Variants in MORC2 observed in about 807,000 individuals in gnomAD.
MORC2 encodes MORC family CW-type zinc finger 2, also known as ATPase MORC2.
MORC2 carries 30 observed loss-of-function variants against 136.0 expected under a neutral mutation model. That is an observed-to-expected ratio of 0.22 (90% CI 0.17 to 0.30). MORC2 has a LOEUF of 0.30. MORC2 is among the 10% of genes least tolerant of loss of function. The pLI is 1.00. For synonymous variants in MORC2, 439 were observed against 487.0 expected, an observed-to-expected ratio of 0.90 and a Z score of 1.30; for missense variants, 922 against 1,333.1, an observed-to-expected ratio of 0.69 and a Z score of 4.80.
rs1166048109 is a variant in MORC2 at position 30,938,730 on chromosome 22, C to T, written c.1074-525G>A. ...GACTACAGGTGCCCGCCACCATGCC[C>T]GGCTAATTTTTTGTATTTTTAGTAG... On this transcript the variant is annotated intron_variant, in intron 12 of 25. Transcript: ENST00000397641. Among the ~76,000 whole-genome samples the T allele has an allele frequency of 5.9e-5, 9 of 152,212 alleles. No individual in the cohort carries two copies. The East Asian group carries it at 1.2e-3, about 20-fold the overall frequency.
chr22:30,967,897 A>G lies in MORC2; in HGVS notation c.-8T>C. On this transcript the variant is annotated 5_prime_UTR_variant, in exon 1 of 26. Coordinates refer to ENST00000397641, the MANE Select transcript of MORC2 (RefSeq NM_001303256.3). ...GTAATTTGTGAAAGCCATGACTGCA[A>G]TAAGGTCTCCAGCCCTTCACCCGCT... The G allele has an allele frequency of 1.3e-6, 2 of 1,543,110 alleles. No homozygotes were observed. The highest frequency in any genetic ancestry group is 1.2e-5 in the South Asian group (1 of 83,904).
At chr22:30,942,606 A>G (rs976715489) in intron 6 of MORC2, among the ~76,000 whole-genome samples, 5 of 152,212 alleles carry the variant, frequency 3.3e-5, no homozygotes, top group African/African-American at 1.2e-4. Flanking sequence ...GCAATTATCT[A>G]GTGAATCAGT....
chr22:30,938,617 T>C (rs2040693952), intron 12 of MORC2, among the ~76,000 whole-genome samples: 1 of 152,230 alleles, frequency 6.6e-6, no homozygotes, highest in South Asian at 2.1e-4. Context: ...TCGCCCAGGC[T>C]GGAGTGCAGT....
chr22:30,938,874 T>A (rs1309466053), intron 12 of MORC2, among the ~76,000 whole-genome samples: 1 of 152,208 alleles, frequency 6.6e-6, no homozygotes, highest in Admixed American at 6.5e-5. Context: ...CGGCCAATTA[T>A]TATTATTTTA....
intron 6 of MORC2, among the ~76,000 whole-genome samples, chr22:30,945,623 G>GA (rs2040805240): frequency 6.6e-6 from 1 of 152,184 alleles, no homozygotes; most frequent in Non-Finnish European, 1.5e-5. Context: ...GACCTCACCA[G>GA]AAACAGCTCT....
intron 21 of MORC2, 34 bp downstream of exon 21, chr22:30,933,432 C>A: frequency 6.2e-7 from 1 of 1,610,602 alleles, no homozygotes; most frequent in Non-Finnish European, 8.5e-7. Context: ...CTCCCACCCC[C>A]GCCACAGGCT....
At chr22:30,939,544 A>G in intron 12 of MORC2, 77 bp downstream of exon 12, 1 of 1,427,444 alleles carries the variant, frequency 7.0e-7, no homozygotes, top group Non-Finnish European at 9.7e-7. Context: ...AGTCTTGGTG[A>G]CAGAATAGCA....
At chr22:30,931,243 C>T (rs530678461) in intron 24 of MORC2, among the ~76,000 whole-genome samples, 28 of 152,338 alleles carry the variant, frequency 1.8e-4, no homozygotes, top group Admixed American at 1.6e-3. Flanking sequence ...GCCGAATCAG[C>T]CTGCCAAGTG....
intron 2 of MORC2, 147 bp downstream of exon 2, chr22:30,958,494 T>A: frequency 4.0e-6 from 2 of 498,094 alleles, no homozygotes; most frequent in Non-Finnish European, 7.0e-6. Flanking sequence ...ATTAAAAATA[T>A]TATTTTTAGT....
In MORC2 at chr22:30,935,037, A is replaced by G; in HGVS notation, c.1937T>C (p.Val646Ala). 6.2e-7 allele frequency: 1 copy of G among 1,613,934 alleles called. No homozygotes were observed. The highest frequency in any genetic ancestry group is 8.5e-7 in the Non-Finnish European group (1 of 1,179,998). ...RPASQPRKAP[V>A]ISSTPKLPAL... ...AGGGAGCTTTGGGGTACTGCTGATGACAGGAGCCTTTCGGGGCTGGCTGGC... is the reference window on the plus strand; with the variant it reads ...AGGGAGCTTTGGGGTACTGCTGATGGCAGGAGCCTTTCGGGGCTGGCTGGC... The change falls in exon 19 of 26, where the codon GTC (valine) becomes GCC (alanine). Residue 646 changes from valine to alanine, a missense_variant. Physicochemically the swap from Val to Ala is moderately conservative, Grantham distance 64 (BLOSUM62 0). Transcript: ENST00000397641.
intron 5 of MORC2, among the ~76,000 whole-genome samples, chr22:30,946,679 C>G (rs2147277514): frequency 1.3e-5 from 2 of 151,990 alleles, no homozygotes; most frequent in Admixed American, 1.3e-4. Context: ...TCTTTACTTA[C>G]AACGTTCTCA....
In MORC2 at chr22:30,935,025, G is replaced by T; in HGVS notation, c.1949C>A (p.Thr650Asn). The change falls in exon 19 of 26, where the codon ACC (threonine) becomes AAC (asparagine). Residue 650 changes from threonine to asparagine, a missense_variant. Thr to Asn is a moderately conservative substitution (Grantham distance 65). Coordinates refer to ENST00000397641, the MANE Select transcript of MORC2 (RefSeq NM_001303256.3). ...GGCTGCCAAAGCAGGGAGCTTTGGGGTACTGCTGATGACAGGAGCCTTTCG... is the reference window on the plus strand; with the variant it reads ...GGCTGCCAAAGCAGGGAGCTTTGGGTTACTGCTGATGACAGGAGCCTTTCG... ...QPRKAPVISS[T>N]PKLPALAARE... 6.2e-7 allele frequency: 1 copy of T among 1,614,100 alleles called. No individual in the cohort carries two copies. The highest frequency in any genetic ancestry group is 8.5e-7 in the Non-Finnish European group (1 of 1,180,020).
Position 30,934,365 on chromosome 22 carries a change from T to C in MORC2, c.2194-174A>G, listed in dbSNP as rs949687845. Among the ~76,000 whole-genome samples, 1 of 152,068 alleles carries C rather than the reference T, an allele frequency of 6.6e-6. No homozygotes were observed. Among genetic ancestry groups the C allele is most frequent in the South Asian group, 2.1e-4 (1 of 4,810 alleles). On this transcript the variant is annotated intron_variant, in intron 19 of 25. Transcript: ENST00000397641. This position sits in a 1 kb window ranked among gnomAD's most constrained non-coding sequence, Gnocchi z 4.4. ...CCACTGGCCCCTGCGCCATAAGGAT[T>C]TTTGCTCAAAGCTATCATAGGAGAA...
rs560423388 is a variant in MORC2, at chr22:30,962,173, G to A, written c.69-3479C>T. ...GCCGACATTGTGAGATCGCGCCACT[G>A]TACTCCAGCCTGGACAAGAGCAAAA... On this transcript the variant is annotated intron_variant, in intron 1 of 25. Coordinates refer to ENST00000397641, the MANE Select transcript of MORC2 (RefSeq NM_001303256.3). 3.3e-5 allele frequency among the ~76,000 whole-genome samples: 5 copies of A among 150,064 alleles called. No homozygotes were observed. In the South Asian group the frequency reaches 1.1e-3, roughly 32 times the overall value.
chr22:30,932,110 C>G lies in MORC2; in HGVS notation c.2841+249G>C, dbSNP rs1247341973. ...GCTATCCCTAAGGGATGACTCAACT[C>G]CTAGCACCTGTGGTGGGAAGGGGTT... On this transcript the variant is annotated intron_variant, in intron 24 of 25. Coordinates refer to ENST00000397641, the MANE Select transcript of MORC2 (RefSeq NM_001303256.3). This position sits in a 1 kb window ranked among gnomAD's most constrained non-coding sequence, Gnocchi z 4.4. 1 of 452,354 alleles carries G rather than the reference C, an allele frequency of 2.2e-6. No individual in the cohort carries two copies. The highest frequency in any genetic ancestry group is 4.0e-5 in the East Asian group (1 of 24,918). 28.0% of individuals were successfully genotyped at this position (452,354 alleles called of 1,614,324 possible). A position where few individuals can be genotyped will look rare whatever the true frequency, so the allele number is the denominator to read the frequency against.
In MORC2 at chr22:30,942,387, C is replaced by T. The variant is rs2040754681; in HGVS notation, c.427-116G>A. The T allele has an allele frequency of 3.4e-6, 4 of 1,186,680 alleles. No homozygotes were observed. The Admixed American group carries it at 9.0e-5, about 27-fold the overall frequency. The allele number at this position is 1,186,680 out of a possible 1,614,324, so 73.5% of individuals were successfully genotyped here. A position where few individuals can be genotyped will look rare whatever the true frequency, so the allele number is the denominator to read the frequency against. On this transcript the variant is annotated intron_variant, in intron 6 of 25. Transcript: ENST00000397641. ...GCTCCACACTGCCCTGTAGGTGAGG[C>T]CCAAGCTCCACAGCCTGGCACCAGA...
At position 30,934,910 on chromosome 22, in the gene MORC2, A is replaced by G. The variant is rs763867218; in HGVS notation, c.2064T>C (p.Pro688=). 1 of 1,614,146 alleles carries G rather than the reference A, an allele frequency of 6.2e-7. No homozygotes were observed. The highest frequency in any genetic ancestry group is 1.1e-5 in the South Asian group (1 of 91,078). Reference sequence around the variant, plus strand: ...GTGACAGTTGCTGCACCAGAGGGGCAGGTCGGGATGCAGTCTTGACGAGAG... The same window carrying G: ...GTGACAGTTGCTGCACCAGAGGGGCGGGTCGGGATGCAGTCTTGACGAGAG... ...ANTLVKTASR[P]APLVQQLSPS... Residue 688 remains proline, a synonymous_variant, in exon 19 of 26, where the codon CCT becomes CCC. Coordinates refer to ENST00000397641, the MANE Select transcript of MORC2 (RefSeq NM_001303256.3). This position sits in a 1 kb window ranked among gnomAD's most constrained non-coding sequence, Gnocchi z 4.4.
At chr22:30,933,201 T>A (rs1454247210) in intron 21 of MORC2, among the ~76,000 whole-genome samples, 171 bp from the exon 22 acceptor site, 2 of 152,042 alleles carry the variant, frequency 1.3e-5, no homozygotes, top group African/African-American at 4.8e-5. Flanking sequence ...ATGGTCTCCT[T>A]CCCCATCTGC....
At position 30,967,912 on chromosome 22, in the gene MORC2, C is replaced by G; in HGVS notation, c.-23G>C. On this transcript the variant is annotated 5_prime_UTR_variant, in exon 1 of 26. Coordinates refer to ENST00000397641, the MANE Select transcript of MORC2 (RefSeq NM_001303256.3). Reference sequence around the variant, plus strand: ...CATGACTGCAATAAGGTCTCCAGCCCTTCACCCGCTAACTGGGAAATATAA... The same window carrying G: ...CATGACTGCAATAAGGTCTCCAGCCGTTCACCCGCTAACTGGGAAATATAA... 6.7e-7 allele frequency: 1 copy of G among 1,497,026 alleles called. No homozygotes were observed. Among genetic ancestry groups the G allele is most frequent in the Non-Finnish European group, 9.1e-7 (1 of 1,097,988 alleles). 92.7% of individuals were successfully genotyped at this position (1,497,026 alleles called of 1,614,324 possible). A position where few individuals can be genotyped will look rare whatever the true frequency, so the allele number is the denominator to read the frequency against.
Sources: allele counts gnomAD v4.1 joint callset (sites outside exome capture counted in the v4.1 genomes callset), GRCh38; gene constraint gnomAD v4.1.1; non-coding constraint Gnocchi (gnomAD v3.1); transcripts MANE v1.5; gene names NCBI Gene and HGNC (gene_info 2026-07-23, HGNC 2026-07-21).